Variants in NEGR1 observed in about 807,000 individuals in gnomAD.
The protein encoded by NEGR1 is IgLON family member 4.
Under a neutral mutation model 40.9 loss-of-function variants are expected in NEGR1, and 10 were observed. That is an observed-to-expected ratio of 0.24 (90% CI 0.15 to 0.42). NEGR1 has a LOEUF of 0.42. NEGR1 is among the 10% of genes least tolerant of loss of function. The pLI, the probability that NEGR1 is intolerant of heterozygous loss-of-function variation, is 1.00. For missense variants in NEGR1, 352 were observed against 438.9 expected, an observed-to-expected ratio of 0.80 and a Z score of 1.77; for synonymous variants, 185 against 166.8, an observed-to-expected ratio of 1.11 and a Z score of -0.84.
At chr1:72,271,196 C>T (rs2100558363) in intron 1 of NEGR1, among the ~76,000 whole-genome samples, 1 of 151,932 alleles carries the variant, frequency 6.6e-6, no homozygotes, top group African/African-American at 2.4e-5. Context: ...AAAGCAACTT[C>T]ACGTCTAGAA....
intron 4 of NEGR1, among the ~76,000 whole-genome samples, chr1:71,671,785 C>A (rs1033794681): frequency 2.6e-5 from 4 of 152,122 alleles, no homozygotes; most frequent in Admixed American, 6.5e-5. Context: ...CGTTAGTACC[C>A]AATTAATCAT....
At chr1:71,774,605 G>T (rs1656439362) in intron 3 of NEGR1, among the ~76,000 whole-genome samples, 2 of 152,034 alleles carry the variant, frequency 1.3e-5, no homozygotes, top group African/African-American at 2.4e-5. Flanking sequence ...AATTGTGCTT[G>T]TTCTACACCT....
chr1:71,548,150 G>A (rs1647961976), intron 6 of NEGR1, among the ~76,000 whole-genome samples: 1 of 151,684 alleles, frequency 6.6e-6, no homozygotes, highest in African/African-American at 2.4e-5. Context: ...GCCACCGCTG[G>A]AATCCTGACC....
intron 1 of NEGR1, among the ~76,000 whole-genome samples, chr1:72,209,295 T>C (rs574930537): frequency 1.3e-5 from 2 of 151,874 alleles, no homozygotes; most frequent in East Asian, 3.9e-4. Flanking sequence ...TATTTGACTC[T>C]TTATCTCCCA....
At chr1:71,962,547 T>C (rs1646174252) in intron 1 of NEGR1, among the ~76,000 whole-genome samples, 1 of 152,084 alleles carries the variant, frequency 6.6e-6, no homozygotes, top group African/African-American at 2.4e-5. Context: ...GATATTACAT[T>C]ATAATGAAAA....
chr1:72,130,776 G>A (rs893104029), intron 1 of NEGR1, among the ~76,000 whole-genome samples: 3 of 151,888 alleles, frequency 2.0e-5, no homozygotes, highest in African/African-American at 7.3e-5. Flanking sequence ...CCTCATATCC[G>A]CAATAGAATA....
intron 3 of NEGR1, among the ~76,000 whole-genome samples, chr1:71,747,931 C>G (rs1053599902): frequency 1.3e-5 from 2 of 151,726 alleles, no homozygotes; most frequent in Non-Finnish European, 2.9e-5. Flanking sequence ...AAACTAATTC[C>G]TATCATCCAG....
Position 72,261,842 on chromosome 1 carries a change from T to C in NEGR1, c.176+20477A>G, listed in dbSNP as rs530990558. Among the ~76,000 whole-genome samples, 17 of 152,174 alleles carry C rather than the reference T, an allele frequency of 1.1e-4. No individual in the cohort carries two copies. The East Asian group carries it at 2.1e-3, about 19-fold the overall frequency. On this transcript the variant is annotated intron_variant, in intron 1 of 6. Coordinates refer to ENST00000357731, the MANE Select transcript of NEGR1 (RefSeq NM_173808.3). The stretch of plus-strand genomic sequence containing the variant: ...AACATGAACATACAGAGTGGAATGA[T>C]AGACATTGGAGATCCCAAAAGGTGT...
chr1:71,545,139 C>T (rs1427663923), intron 6 of NEGR1, among the ~76,000 whole-genome samples: 1 of 151,546 alleles, frequency 6.6e-6, no homozygotes, highest in Admixed American at 6.6e-5. Context: ...AAATGAACTG[C>T]CCCAAAGAAG....
Position 72,202,777 on chromosome 1 carries a change from T to G in NEGR1, c.176+79542A>C, listed in dbSNP as rs1019686831. 2.0e-5 allele frequency among the ~76,000 whole-genome samples: 3 copies of G among 152,040 alleles called. No individual in the cohort carries two copies. In the South Asian group the frequency reaches 6.2e-4, roughly 32 times the overall value. On this transcript the variant is annotated intron_variant, in intron 1 of 6. Transcript: ENST00000357731. ...GGACAGGGTGACTCTGTTAGCTTGG[T>G]GGCTAATGCAGCTGGTGACATTAAG...
intron 3 of NEGR1, among the ~76,000 whole-genome samples, chr1:71,767,263 G>C (rs2101707421): frequency 6.6e-6 from 1 of 152,260 alleles, no homozygotes; most frequent in African/African-American, 2.4e-5. Flanking sequence ...TGTGCTGATA[G>C]GGATATGGAC....
chr1:71,875,483 A>G (rs1329550866), intron 2 of NEGR1, among the ~76,000 whole-genome samples: 4 of 152,190 alleles, frequency 2.6e-5, no homozygotes, highest in African/African-American at 9.7e-5. Context: ...GCATTTGATA[A>G]TCAGGGCAGT....
chr1:71,750,719 T>C (rs1655543993), intron 3 of NEGR1, among the ~76,000 whole-genome samples: 1 of 152,198 alleles, frequency 6.6e-6, no homozygotes, highest in South Asian at 2.1e-4. Flanking sequence ...GAGGTACAAT[T>C]CAAGATGAGA....
intron 2 of NEGR1, among the ~76,000 whole-genome samples, chr1:71,854,300 T>C (rs1231478853): frequency 6.6e-6 from 1 of 152,122 alleles, no homozygotes; most frequent in African/African-American, 2.4e-5. Context: ...TGTGCTCTTA[T>C]ACTTCGGGCC....
intron 6 of NEGR1, among the ~76,000 whole-genome samples, chr1:71,501,203 T>C (rs935958116): frequency 6.6e-6 from 1 of 152,114 alleles, no homozygotes; most frequent in African/African-American, 2.4e-5. Context: ...TAACAATAAG[T>C]TGATATCTGA....
intron 3 of NEGR1, among the ~76,000 whole-genome samples, chr1:71,754,676 A>C (rs975409383): frequency 1.5e-5 from 2 of 135,842 alleles, no homozygotes; most frequent in Non-Finnish European, 3.1e-5. Context: ...ATCTGGCTCC[A>C]GTTCCCAGAG....
intron 6 of NEGR1, among the ~76,000 whole-genome samples, chr1:71,465,396 C>T (rs1206325793): frequency 6.6e-6 from 1 of 152,066 alleles, no homozygotes; most frequent in Non-Finnish European, 1.5e-5. Context: ...TTGCAATCTG[C>T]AGACAACTTG....
At chr1:71,774,696 A>T (rs1656442252) in intron 3 of NEGR1, among the ~76,000 whole-genome samples, 1 of 148,290 alleles carries the variant, frequency 6.7e-6, no homozygotes, top group South Asian at 2.2e-4. Context: ...CAAAAAAAAA[A>T]TATGAAACAA....
intron 2 of NEGR1, among the ~76,000 whole-genome samples, chr1:71,930,432 T>C (rs945406454): frequency 6.6e-6 from 1 of 152,158 alleles, no homozygotes; most frequent in African/African-American, 2.4e-5. Flanking sequence ...TGACATGCTC[T>C]GAAAGTATAT....
Sources: gnomAD v4.1 joint callset for allele counts (sites outside exome capture counted in the v4.1 genomes callset) on GRCh38, gnomAD v4.1.1 for gene constraint, MANE v1.5 for transcripts, NCBI Gene and HGNC (gene_info 2026-07-23, HGNC 2026-07-21) for gene names.